Variants in SYT14 observed in about 807,000 individuals in gnomAD.
SYT14 encodes synaptotagmin 14.
A neutral mutation model predicts 74.2 loss-of-function variants in SYT14; 32 were observed. That is an observed-to-expected ratio of 0.43 (90% CI 0.33 to 0.58). The LOEUF (loss-of-function observed/expected upper bound fraction) is 0.58. SYT14 is among the 20% of genes least tolerant of loss of function. The pLI is 0.05. For missense variants in SYT14, 791 were observed against 981.8 expected (o/e 0.81, Z 2.60); for synonymous variants, 298 against 337.7 (o/e 0.88, Z 1.29).
chr1:210,128,582 A>T (rs757280501), intron 7 of SYT14, among the ~76,000 whole-genome samples: 2 of 152,236 alleles, frequency 1.3e-5, no homozygotes, highest in Non-Finnish European at 2.9e-5. Context: ...TTAAAAATCA[A>T]TATTTAAAAT....
intron 5 of SYT14, among the ~76,000 whole-genome samples, chr1:210,058,757 T>C (rs2081146542): frequency 6.6e-6 from 1 of 152,174 alleles, no homozygotes; most frequent in Non-Finnish European, 1.5e-5. Context: ...GTCTCAGCAA[T>C]TTCTGCTATT....
At chr1:210,113,494 C>G (rs1206922634) in intron 7 of SYT14, among the ~76,000 whole-genome samples, 2 of 151,196 alleles carry the variant, frequency 1.3e-5, no homozygotes, top group African/African-American at 4.9e-5. Context: ...CTTTAAAAGG[C>G]CATGCTGTAA....
At chr1:210,124,753 A>G (rs982692155) in intron 7 of SYT14, among the ~76,000 whole-genome samples, 2 of 152,136 alleles carry the variant, frequency 1.3e-5, no homozygotes, top group Admixed American at 1.3e-4. Context: ...TTTAATCCCC[A>G]TTTTACAGAT....
exon 4 of SYT14, chr1:210,016,832 T>C (rs1050105002): frequency 1.6e-6 from 2 of 1,231,648 alleles, no homozygotes; most frequent in African/African-American, 3.1e-5. Context: ...AGGGAATGAG[T>C]GTTCAGGAAA....
At chr1:210,094,156 A>G (rs986263525) in intron 5 of SYT14, among the ~76,000 whole-genome samples, 166 bp from the exon 5 acceptor site, 1 of 152,168 alleles carries the variant, frequency 6.6e-6, no homozygotes, top group Admixed American at 6.5e-5. Context: ...AGATCATTTT[A>G]TTTGTGCCTC....
intron 3 of SYT14, among the ~76,000 whole-genome samples, chr1:210,015,227 C>T (rs903023900): frequency 6.6e-6 from 1 of 152,142 alleles, no homozygotes. Flanking sequence ...TACATTCAAT[C>T]TGTCATGTAG....
intron 1 of SYT14, among the ~76,000 whole-genome samples, chr1:209,941,816 G>C (rs1204600370): frequency 6.6e-6 from 1 of 152,126 alleles, no homozygotes; most frequent in African/African-American, 2.4e-5. Context: ...GGGGAGATTG[G>C]TTCCAGGTCC....
intron 5 of SYT14, among the ~76,000 whole-genome samples, chr1:210,054,171 C>T (rs1215627336): frequency 6.6e-6 from 1 of 152,108 alleles, no homozygotes; most frequent in Non-Finnish European, 1.5e-5. Flanking sequence ...TGGGGTACAA[C>T]TTTCATTGTT....
rs1396272922 is a variant in SYT14 at position 210,162,865 on chromosome 1, G to C, written c.*1823G>C. The C allele has an allele frequency of 1.1e-5, 5 of 453,344 alleles. No individual in the cohort carries two copies. The Admixed American group carries it at 1.2e-4, about 11-fold the overall frequency. The allele number at this position is 453,344 out of a possible 1,614,324, so 28.1% of individuals were successfully genotyped here. Reference sequence around the variant, plus strand: ...TGGATGACATGAGGTTTGAGAATGTGTGTTACAGGGCTGCATTAAAGGGAA... The same window carrying C: ...TGGATGACATGAGGTTTGAGAATGTCTGTTACAGGGCTGCATTAAAGGGAA... On this transcript the variant is annotated 3_prime_UTR_variant, in exon 10 of 10. Coordinates refer to ENST00000637265, the Ensembl canonical transcript of SYT14.
At chr1:210,134,216 C>T (rs2082735017) in intron 7 of SYT14, among the ~76,000 whole-genome samples, 1 of 152,064 alleles carries the variant, frequency 6.6e-6, no homozygotes, top group South Asian at 2.1e-4. Flanking sequence ...GATCCTCCCA[C>T]CTCAGCCTCC....
At chr1:210,136,594 G>A (rs2082791199) in intron 7 of SYT14, among the ~76,000 whole-genome samples, 1 of 152,192 alleles carries the variant, frequency 6.6e-6, no homozygotes, top group African/African-American at 2.4e-5. Flanking sequence ...GTAAGGACAA[G>A]AAGGGGCTGA....
chr1:210,016,944 A>G, exon 4 of SYT14: 3 of 1,231,828 alleles, frequency 2.4e-6, no homozygotes, highest in Non-Finnish European at 2.0e-6. Context: ...AATTCTAAAG[A>G]TAAGTTATCT....
At chr1:210,074,898 G>T (rs111725978) in intron 5 of SYT14, among the ~76,000 whole-genome samples, 2 of 152,040 alleles carry the variant, frequency 1.3e-5, no homozygotes, top group East Asian at 3.9e-4. Context: ...TAGGCGGCTT[G>T]TGTTAGTCAG....
At chr1:210,075,349 T>G (rs1443643656) in intron 5 of SYT14, among the ~76,000 whole-genome samples, 4 of 150,426 alleles carry the variant, frequency 2.7e-5, no homozygotes, top group Admixed American at 1.3e-4. Context: ...TTTGTTTTTT[T>G]TTTTTTTTTT....
intron 5 of SYT14, among the ~76,000 whole-genome samples, chr1:210,027,228 C>T (rs12092551): frequency 0.13 from 19,738 of 151,844 alleles, 4,029 homozygotes; most frequent in African/African-American, 0.44. Context: ...GGCGCAGTGG[C>T]TCATGCCTAT....
intron 7 of SYT14, among the ~76,000 whole-genome samples, chr1:210,110,604 A>T (rs1420322102): frequency 6.6e-6 from 1 of 152,202 alleles, no homozygotes; most frequent in East Asian, 1.9e-4. Context: ...GTTCTAGAAG[A>T]GTTTATCGTA....
At chr1:210,138,333 A>G (rs557253798) in intron 7 of SYT14, among the ~76,000 whole-genome samples, 2 of 152,266 alleles carry the variant, frequency 1.3e-5, no homozygotes, top group Admixed American at 1.3e-4. Context: ...AGCACAGGAA[A>G]AACCCACCCC....
chr1:210,075,602 G>T (rs2081484497), intron 5 of SYT14, among the ~76,000 whole-genome samples: 1 of 152,112 alleles, frequency 6.6e-6, no homozygotes, highest in African/African-American at 2.4e-5. Flanking sequence ...CAAAGTGCTG[G>T]AATTACAGGC....
intron 9 of SYT14, 123 bp downstream of exon 8, chr1:210,159,600 G>A: frequency 2.5e-6 from 2 of 813,500 alleles, no homozygotes; most frequent in South Asian, 3.0e-5. Context: ...TTTATTATCT[G>A]TGGTACTTTA....
Sources: gnomAD v4.1 joint callset for allele counts (sites outside exome capture counted in the v4.1 genomes callset) on GRCh38, gnomAD v4.1.1 for gene constraint, MANE v1.5 for transcripts, NCBI Gene and HGNC (gene_info 2026-07-23, HGNC 2026-07-21) for gene names.